Variants in PRKAR2A observed in about 807,000 individuals in gnomAD.
The protein encoded by PRKAR2A is protein kinase cAMP-dependent type II regulatory subunit alpha.
In PRKAR2A, 29 loss-of-function variants were observed where a neutral mutation model predicts 51.9. The ratio of observed to expected loss-of-function variants is 0.56; its 90% CI spans 0.42 to 0.76. The LOEUF (loss-of-function observed/expected upper bound fraction) is 0.76, where lower values mean the gene tolerates loss of function less well. PRKAR2A is among the 30% of genes least tolerant of loss of function. The pLI, the probability that PRKAR2A is intolerant of heterozygous loss-of-function variation, is 0.00. For synonymous variants in PRKAR2A, 178 were observed against 186.2 expected, an observed-to-expected ratio of 0.96 and a Z score of 0.36; for missense variants, 445 against 512.1, an observed-to-expected ratio of 0.87 and a Z score of 1.26.
At chr3:48,809,216 T>C (rs892910184) in intron 1 of PRKAR2A, among the ~76,000 whole-genome samples, 14 of 152,290 alleles carry the variant, frequency 9.2e-5, no homozygotes, top group Admixed American at 4.6e-4. Context: ...CTATAGTTGA[T>C]AGACAAAGGT....
chr3:48,784,352 T>C (rs1445478925), intron 4 of PRKAR2A, among the ~76,000 whole-genome samples: 1 of 152,178 alleles, frequency 6.6e-6, no homozygotes, highest in Admixed American at 6.6e-5. Flanking sequence ...TAATTGAGTA[T>C]CACCAAAAAG....
intron 1 of PRKAR2A, among the ~76,000 whole-genome samples, chr3:48,829,847 G>GTGTGTGTA (rs777532795): frequency 1.6e-5 from 1 of 63,754 alleles, no homozygotes; most frequent in Non-Finnish European, 2.8e-5. Context: ...ATGCGTGTGT[G>GTGTGTGTA]TATATATATA....
At chr3:48,831,464 T>C (rs1288831341) in intron 1 of PRKAR2A, among the ~76,000 whole-genome samples, 1 of 149,930 alleles carries the variant, frequency 6.7e-6, no homozygotes, top group African/African-American at 2.5e-5. Flanking sequence ...CCTGCTGGGC[T>C]CAAGTTATCT....
intron 1 of PRKAR2A, among the ~76,000 whole-genome samples, chr3:48,821,611 A>G (rs1283311611): frequency 2.0e-5 from 3 of 152,228 alleles, no homozygotes; most frequent in Admixed American, 2.0e-4. Context: ...AAGACAGTCA[A>G]GAACTCCCTT....
chr3:48,762,026 T>C (rs1402480973), intron 8 of PRKAR2A, among the ~76,000 whole-genome samples: 2 of 152,190 alleles, frequency 1.3e-5, no homozygotes, highest in African/African-American at 2.4e-5. Flanking sequence ...TTGCAAAGAT[T>C]TCCTAAAATA....
intron 1 of PRKAR2A, among the ~76,000 whole-genome samples, chr3:48,829,159 G>A (rs1243188192): frequency 2.0e-5 from 3 of 151,852 alleles, no homozygotes; most frequent in Non-Finnish European, 4.4e-5. Flanking sequence ...TAGATCACTT[G>A]AGCCCAAGAG....
At chr3:48,785,329 C>T (rs1181780458) in intron 4 of PRKAR2A, among the ~76,000 whole-genome samples, 7 of 149,394 alleles carry the variant, frequency 4.7e-5, no homozygotes, top group Non-Finnish European at 4.4e-5. Flanking sequence ...TGCACGATCT[C>T]GGCTCACTGC....
intron 1 of PRKAR2A, among the ~76,000 whole-genome samples, chr3:48,822,662 T>C (rs966249339): frequency 6.6e-6 from 1 of 151,516 alleles, no homozygotes; most frequent in South Asian, 2.1e-4. Context: ...AGTTAGTGCA[T>C]CTGAATCATG....
rs559765266 is a variant in PRKAR2A, at chr3:48,823,158, A to T, written c.263-15474T>A. ...TGGGCTCAAAGCAATCGCCCGCCTC[A>T]GCCTCCTGAAGTGCTGGGATTACAG... On this transcript the variant is annotated intron_variant, in intron 1 of 10. Coordinates refer to ENST00000265563, the MANE Select transcript of PRKAR2A (RefSeq NM_004157.4). 2.0e-5 allele frequency among the ~76,000 whole-genome samples: 3 copies of T among 151,958 alleles called. No individual in the cohort carries two copies. In the South Asian group the frequency reaches 6.2e-4, roughly 32 times the overall value.
At chr3:48,759,598 G>C (rs1323450497) in intron 8 of PRKAR2A, among the ~76,000 whole-genome samples, 1 of 152,060 alleles carries the variant, frequency 6.6e-6, no homozygotes, top group Non-Finnish European at 1.5e-5. Flanking sequence ...TGTTGGTCAG[G>C]CTGGTCTCGA....
chr3:48,773,238 A>C (rs1363344628), intron 5 of PRKAR2A, 130 bp from the exon 6 acceptor site: 19 of 735,774 alleles, frequency 2.6e-5, no homozygotes, highest in East Asian at 1.5e-4. Context: ...TATAAAAAAA[A>C]CATATTTTTG....
chr3:48,778,475 C>T (rs1425257238), intron 5 of PRKAR2A, among the ~76,000 whole-genome samples: 1 of 152,054 alleles, frequency 6.6e-6, no homozygotes, highest in East Asian at 1.9e-4. Flanking sequence ...GCATGCGCCA[C>T]CATGCCTGGC....
In PRKAR2A at chr3:48,749,193, C is replaced by T. The variant is rs2081608199; in HGVS notation, c.*2392G>A. ...AAATGGCCTCTTGGTTTAATATAAA[C>T]TTGGTTACAACATTCAAATTTATCT... On this transcript the variant is annotated 3_prime_UTR_variant, in exon 11 of 11. Coordinates refer to ENST00000265563, the MANE Select transcript of PRKAR2A (RefSeq NM_004157.4). 6.6e-6 allele frequency: 1 copy of T among 152,122 alleles called. No homozygotes were observed. Among genetic ancestry groups the T allele is most frequent in the Admixed American group, 6.5e-5 (1 of 15,272 alleles). The allele number at this position is 152,122 out of a possible 1,614,324, so 9.4% of individuals were successfully genotyped here. A position where few individuals can be genotyped will look rare whatever the true frequency, so the allele number is the denominator to read the frequency against.
At chr3:48,773,394 A>T (rs2082059407) in intron 5 of PRKAR2A, among the ~76,000 whole-genome samples, 1 of 122,922 alleles carries the variant, frequency 8.1e-6, no homozygotes, top group African/African-American at 3.2e-5. Context: ...CCCAGGCTGG[A>T]GTGCAGGGGC....
chr3:48,748,316 T>G lies in PRKAR2A; in HGVS notation c.*3269A>C, dbSNP rs2081592875. ...CTTTTTTTTTTTTTTTTTTTCTTGG[T>G]AGAGACAGGGTCTCCCTCTGTTGCC... On this transcript the variant is annotated 3_prime_UTR_variant, in exon 11 of 11. Coordinates refer to ENST00000265563, the MANE Select transcript of PRKAR2A (RefSeq NM_004157.4). 6.8e-6 allele frequency: 1 copy of G among 147,342 alleles called. No individual in the cohort carries two copies. 9.1% of individuals were successfully genotyped at this position (147,342 alleles called of 1,614,324 possible).
At chr3:48,808,667 C>T (rs1391396988) in intron 1 of PRKAR2A, among the ~76,000 whole-genome samples, 4 of 89,594 alleles carry the variant, frequency 4.5e-5, no homozygotes, top group African/African-American at 9.4e-5. Context: ...CGTGAGCCAC[C>T]GTGCCTGGCC....
At position 48,838,814 on chromosome 3, in the gene PRKAR2A, T is replaced by TA. The variant is rs535865105; in HGVS notation, c.262+8520dup. 7.8e-4 allele frequency among the ~76,000 whole-genome samples: 109 copies of TA among 140,544 alleles called. 1 individual carries two copies. The highest frequency in any genetic ancestry group is 3.1e-3 in the East Asian group (15 of 4,778). 92.2% of individuals were successfully genotyped at this position (140,544 alleles called of 152,430 possible). On this transcript the variant is annotated intron_variant, in intron 1 of 10. Coordinates refer to ENST00000265563, the MANE Select transcript of PRKAR2A (RefSeq NM_004157.4). ...TAACACGGTGAAACCCTGTCTCTAC[T>TA]AAAAAAAAAAATACAAAAAATTAGC... is the stretch of plus-strand genomic sequence containing the variant.
intron 3 of PRKAR2A, among the ~76,000 whole-genome samples, chr3:48,791,284 TTAAAAAAAAAAAAAAAAAAAA>T (rs1468639607): frequency 2.6e-5 from 2 of 78,316 alleles, no homozygotes; most frequent in Non-Finnish European, 4.7e-5. Flanking sequence ...AGATTCCATC[TTAAAAAAAAAAAAAAAAAAAA>T]AAAAAAAAGG....
chr3:48,846,247 G>A (rs1215235171), intron 1 of PRKAR2A, among the ~76,000 whole-genome samples: 2 of 146,392 alleles, frequency 1.4e-5, no homozygotes, highest in Non-Finnish European at 3.0e-5. Context: ...GACGGAGTTC[G>A]CTCTGTCGCC....
Sources: allele counts gnomAD v4.1 joint callset (sites outside exome capture counted in the v4.1 genomes callset), GRCh38; gene constraint gnomAD v4.1.1; transcripts MANE v1.5; gene names NCBI Gene and HGNC (gene_info 2026-07-23, HGNC 2026-07-21).